Variants in MBOAT2 observed in about 807,000 individuals in gnomAD.
The protein encoded by MBOAT2 is membrane bound glycerophospholipid O-acyltransferase 2.
In MBOAT2, 28 loss-of-function variants were observed where a neutral mutation model predicts 63.4. The ratio of observed to expected loss-of-function variants is 0.44; its 90% CI spans 0.33 to 0.61. The LOEUF (loss-of-function observed/expected upper bound fraction) is 0.61. MBOAT2 is among the 20% of genes least tolerant of loss of function. MBOAT2 has a pLI of 0.03. For missense variants in MBOAT2, 470 were observed against 605.8 expected (o/e 0.78, Z 2.35); for synonymous variants, 211 against 215.6 (o/e 0.98, Z 0.19).
intron 4 of MBOAT2, among the ~76,000 whole-genome samples, chr2:8,904,508 A>G (rs1339931080): frequency 6.6e-6 from 1 of 151,690 alleles, no homozygotes; most frequent in South Asian, 2.1e-4. Context: ...ATGGGGTTTC[A>G]CCATGTTGCC....
chr2:8,906,940 G>C (rs1665375099), intron 4 of MBOAT2, among the ~76,000 whole-genome samples: 1 of 152,162 alleles, frequency 6.6e-6, no homozygotes, highest in Non-Finnish European at 1.5e-5. Context: ...AAGACTGGAG[G>C]ACCTAGAACC....
intron 4 of MBOAT2, among the ~76,000 whole-genome samples, chr2:8,889,675 G>T (rs1381109639): frequency 6.6e-6 from 1 of 152,068 alleles, no homozygotes; most frequent in Non-Finnish European, 1.5e-5. Context: ...TTAGCTCACT[G>T]GTGAGTTATA....
intron 2 of MBOAT2, among the ~76,000 whole-genome samples, chr2:8,949,880 C>T (rs1183073102): frequency 6.6e-6 from 1 of 152,058 alleles, no homozygotes; most frequent in Non-Finnish European, 1.5e-5. Context: ...TAAAAAATGA[C>T]ATTGGCAGTT....
chr2:8,907,237 G>A (rs1665404081), intron 4 of MBOAT2, among the ~76,000 whole-genome samples: 1 of 152,098 alleles, frequency 6.6e-6, no homozygotes. Flanking sequence ...TTCTCCATTT[G>A]TGTTGTCTGT....
chr2:8,979,797 G>A (rs1437171696), intron 1 of MBOAT2, among the ~76,000 whole-genome samples: 1 of 152,078 alleles, frequency 6.6e-6, no homozygotes, highest in Non-Finnish European at 1.5e-5. Flanking sequence ...TCTTACATAA[G>A]GTGTGATCAA....
chr2:8,871,072 G>A (rs926005815), intron 8 of MBOAT2, among the ~76,000 whole-genome samples: 19 of 151,986 alleles, frequency 1.3e-4, no homozygotes, highest in Middle Eastern at 6.8e-3. Flanking sequence ...ACAGCTCACT[G>A]CAGCCTCAAC....
chr2:8,906,343 A>G (rs1665331393), intron 4 of MBOAT2, among the ~76,000 whole-genome samples: 1 of 152,226 alleles, frequency 6.6e-6, no homozygotes, highest in African/African-American at 2.4e-5. Flanking sequence ...CCTATGATCT[A>G]TGAGGCCACG....
In MBOAT2 at chr2:8,860,617, A is replaced by G; in HGVS notation, c.1333T>C (p.Tyr445His). 6.2e-7 allele frequency: 1 copy of G among 1,612,310 alleles called. No homozygotes were observed. Among genetic ancestry groups the G allele is most frequent in the East Asian group, 2.2e-5 (1 of 44,788 alleles). Residue 445 changes from tyrosine to histidine, a missense_variant, in exon 12 of 13, where the codon TAC (tyrosine) becomes CAC (histidine). Transcript: ENST00000305997. The stretch of plus-strand genomic sequence containing the variant: ...AGTTTTAAGAGTAACACTTACCTGT[A>G]AAACGTGAGTGATGGTTTTATAGAA... ...LLSIKPSLTF[Y>H]SSWYYCLHIL...
At chr2:8,963,256 CG>C (rs367837333) in intron 1 of MBOAT2, among the ~76,000 whole-genome samples, 4 of 148,608 alleles carry the variant, frequency 2.7e-5, no homozygotes, top group Non-Finnish European at 4.5e-5. Context: ...AAAATTGAGG[CG>C]GGGGGGCAGG....
At chr2:8,873,484 C>A (rs1662488059) in intron 7 of MBOAT2, among the ~76,000 whole-genome samples, 184 bp from the exon 8 acceptor site, 1 of 152,076 alleles carries the variant, frequency 6.6e-6, no homozygotes, top group Admixed American at 6.5e-5. Flanking sequence ...ATGAACTTTT[C>A]CAACTGTATC....
At chr2:8,973,682 G>T (rs1316447533) in intron 1 of MBOAT2, among the ~76,000 whole-genome samples, 1 of 151,914 alleles carries the variant, frequency 6.6e-6, no homozygotes, top group Non-Finnish European at 1.5e-5. Flanking sequence ...GCACAGTCAG[G>T]TCTCAGAAAA....
At chr2:8,976,040 T>C (rs1670793321) in intron 1 of MBOAT2, among the ~76,000 whole-genome samples, 1 of 151,966 alleles carries the variant, frequency 6.6e-6, no homozygotes, top group Non-Finnish European at 1.5e-5. Flanking sequence ...CTCCTCTTCC[T>C]CCCCAGACAA....
intron 4 of MBOAT2, among the ~76,000 whole-genome samples, chr2:8,900,494 G>A (rs955507260): frequency 6.6e-6 from 1 of 152,132 alleles, no homozygotes; most frequent in African/African-American, 2.4e-5. Context: ...ATCAGAGAGG[G>A]AGAAGGGGAC....
intron 1 of MBOAT2, among the ~76,000 whole-genome samples, chr2:8,989,874 A>T (rs1446441305): frequency 6.6e-6 from 1 of 152,206 alleles, no homozygotes. Flanking sequence ...TCACACAAGC[A>T]GTTTGCACAA....
chr2:8,997,870 G>A (rs1422337745), intron 1 of MBOAT2, among the ~76,000 whole-genome samples: 1 of 152,168 alleles, frequency 6.6e-6, no homozygotes, highest in African/African-American at 2.4e-5. Context: ...TCTTAATGAA[G>A]GACATGGAAT....
chr2:8,969,046 T>C (rs1670239897), intron 1 of MBOAT2, among the ~76,000 whole-genome samples: 2 of 151,880 alleles, frequency 1.3e-5, no homozygotes. Flanking sequence ...CCTCGAGAAG[T>C]GCAACTCCAA....
In MBOAT2 at chr2:8,942,378, G is replaced by C. The variant is rs544916962; in HGVS notation, c.299+809C>G. On this transcript the variant is annotated intron_variant, in intron 3 of 12. Transcript: ENST00000305997. ...TCAGACATTGCAGAACACCCAGCAGGATCTGCTAATAGACTCTGCCCCTGG... is the reference window on the plus strand; with the variant it reads ...TCAGACATTGCAGAACACCCAGCAGCATCTGCTAATAGACTCTGCCCCTGG... Among the ~76,000 whole-genome samples, 5 of 152,292 alleles carry C rather than the reference G, an allele frequency of 3.3e-5. No individual in the cohort carries two copies. The East Asian group carries it at 9.6e-4, about 29-fold the overall frequency.
chr2:8,962,965 G>T (rs868095224), intron 1 of MBOAT2, among the ~76,000 whole-genome samples: 1 of 152,064 alleles, frequency 6.6e-6, no homozygotes, highest in Non-Finnish European at 1.5e-5. Context: ...GATCAGGGCC[G>T]AGCGAGGTGG....
chr2:8,930,565 C>A (rs1327373494), intron 3 of MBOAT2, among the ~76,000 whole-genome samples: 1 of 152,074 alleles, frequency 6.6e-6, no homozygotes, highest in African/African-American at 2.4e-5. Flanking sequence ...TTTATAGCAG[C>A]ATGATTTATA....
Sources: allele counts gnomAD v4.1 joint callset (sites outside exome capture counted in the v4.1 genomes callset), GRCh38; gene constraint gnomAD v4.1.1; transcripts MANE v1.5; gene names NCBI Gene and HGNC (gene_info 2026-07-23, HGNC 2026-07-21).